TRAPPC2: variants seen among roughly 807,000 people sequenced by gnomAD.
TRAPPC2 encodes the protein trafficking protein particle complex subunit 2, also known as sedlin.
TRAPPC2 carries 4 observed loss-of-function variants against 10.0 expected under a neutral mutation model. That is an observed-to-expected ratio of 0.40 (90% confidence interval 0.20 to 0.92). TRAPPC2 has a LOEUF of 0.92. Ranked by LOEUF, TRAPPC2 falls within the 40% of genes least tolerant of loss-of-function variation. TRAPPC2 has a pLI of 0.35. For synonymous variants in TRAPPC2, 36 were observed against 37.3 expected (o/e 0.97, Z 0.12); for missense variants, 52 against 108.7 (o/e 0.48, Z 2.32).
chrX:13,722,438 G>A (rs960313065), intron 2 of TRAPPC2, among the ~76,000 whole-genome samples: 1 of 110,505 alleles, frequency 9.0e-6, no homozygotes, highest in African/African-American at 3.3e-5. Context: ...ATGAGACAGA[G>A]CTTTCTTTAT....
chrX:13,721,679 G>A lies in TRAPPC2; in HGVS notation c.-19-1697C>T, dbSNP rs761160389. ...TATAAAGGAAATCAAGGCACAGCTGGCACTTTTAACTCTAGAATTGGAAGG... is the reference window on the plus strand; with the variant it reads ...TATAAAGGAAATCAAGGCACAGCTGACACTTTTAACTCTAGAATTGGAAGG... On this transcript the variant is annotated intron_variant, in intron 2 of 5. Coordinates refer to ENST00000380579, the MANE Select transcript of TRAPPC2 (RefSeq NM_001011658.4). The A allele has an allele frequency of 2.7e-5, 3 of 109,836 alleles. No homozygotes were observed. The East Asian group carries it at 8.6e-4, about 31-fold the overall frequency. 9.1% of individuals were successfully genotyped at this position (109,836 alleles called of 1,213,427 possible). A position where few individuals can be genotyped will look rare whatever the true frequency, so the allele number is the denominator to read the frequency against.
chrX:13,732,025 T>C (rs889680659), intron 2 of TRAPPC2, among the ~76,000 whole-genome samples: 1 of 111,712 alleles, frequency 9.0e-6, no homozygotes, highest in African/African-American at 3.3e-5. Context: ...AAACCTAGAT[T>C]AAGAACAGTT....
chrX:13,730,062 TAGAC>T (rs1320074911), intron 2 of TRAPPC2, among the ~76,000 whole-genome samples: 1 of 111,224 alleles, frequency 9.0e-6, no homozygotes, highest in Non-Finnish European at 1.9e-5. Flanking sequence ...AAAGCCAAAA[TAGAC>T]AGATGGGATC....
chrX:13,722,675 G>C (rs1049891646), intron 2 of TRAPPC2, among the ~76,000 whole-genome samples: 1 of 111,853 alleles, frequency 8.9e-6, no homozygotes, highest in East Asian at 2.8e-4. Context: ...ACACACGCTA[G>C]GATTCTGCGC....
Position 13,714,240 on chromosome X carries a change from A to G in TRAPPC2, c.*167T>C, listed in dbSNP as rs1327706004. 4 of 323,899 alleles carry G rather than the reference A, an allele frequency of 1.2e-5. No homozygotes were observed. Among genetic ancestry groups the G allele is most frequent in the Non-Finnish European group, 2.2e-5 (4 of 181,248 alleles). 26.7% of individuals were successfully genotyped at this position (323,899 alleles called of 1,213,427 possible). On this transcript the variant is annotated 3_prime_UTR_variant, in exon 6 of 6. Transcript: ENST00000380579. ...ACCAATTGATCTATTGATACGTGAC[A>G]TGAGACAGAATGTACTATTTTTAAA...
intron 4 of TRAPPC2, 184 bp from the exon 5 acceptor site, chrX:13,716,273 A>C: frequency 1.7e-6 from 1 of 601,622 alleles, no homozygotes; most frequent in Non-Finnish European, 2.5e-6. Flanking sequence ...AAAGTTAGAA[A>C]ATAACTGTAA....
At chrX:13,725,820 G>A (rs2046536121) in intron 2 of TRAPPC2, among the ~76,000 whole-genome samples, 1 of 111,909 alleles carries the variant, frequency 8.9e-6, no homozygotes, top group African/African-American at 3.3e-5. Flanking sequence ...TGAGCTAAAG[G>A]AGCATGTTTG....
chrX:13,717,771 C>T (rs1433561756), intron 3 of TRAPPC2, among the ~76,000 whole-genome samples: 1 of 111,640 alleles, frequency 9.0e-6, no homozygotes, highest in Non-Finnish European at 1.9e-5. Context: ...CAAAGAATAC[C>T]TGTTATGGGT....
intron 2 of TRAPPC2, among the ~76,000 whole-genome samples, chrX:13,722,646 G>A (rs1320033191): frequency 1.8e-5 from 2 of 111,736 alleles, no homozygotes; most frequent in East Asian, 2.8e-4. Context: ...AATACTTGAG[G>A]GTATGGAGCA....
chrX:13,734,223 A>G, intron 1 of TRAPPC2, 38 bp from the exon 2 acceptor site: 1 of 440,610 alleles, frequency 2.3e-6, no homozygotes, highest in Non-Finnish European at 4.0e-6. Context: ...CTAAACCTAC[A>G]ATGCACAGGA....
At chrX:13,730,470 G>C (rs1294737250) in intron 2 of TRAPPC2, among the ~76,000 whole-genome samples, 2 of 112,025 alleles carry the variant, frequency 1.8e-5, no homozygotes, top group East Asian at 5.6e-4. Flanking sequence ...CTGTTGGTGG[G>C]AGTGTAAATT....
rs1262532559 is a variant in TRAPPC2, at chrX:13,714,155, A to AC, written c.*251_*252insG. 3.3e-5 allele frequency: 6 copies of AC among 182,013 alleles called. No individual in the cohort carries two copies. Among genetic ancestry groups the AC allele is most frequent in the Non-Finnish European group, 6.0e-5 (6 of 99,340 alleles). 15.0% of individuals were successfully genotyped at this position (182,013 alleles called of 1,213,427 possible). A position where few individuals can be genotyped will look rare whatever the true frequency, so the allele number is the denominator to read the frequency against. ...AGACTCTGTATCAGAAAAAAAAAAA[A>AC]AAAAAAAACATGATTATTGATAATG... On this transcript the variant is annotated 3_prime_UTR_variant, in exon 6 of 6. Coordinates refer to ENST00000380579, the MANE Select transcript of TRAPPC2 (RefSeq NM_001011658.4).
At chrX:13,716,813 A>G (rs1323384882) in intron 3 of TRAPPC2, 135 bp from the exon 4 acceptor site, 1 of 533,433 alleles carries the variant, frequency 1.9e-6, no homozygotes, top group East Asian at 3.9e-5. Context: ...TGTTATTGTC[A>G]TGAGACTTAT....
chrX:13,716,954 T>C (rs2046301012), intron 3 of TRAPPC2, among the ~76,000 whole-genome samples: 1 of 105,918 alleles, frequency 9.4e-6, no homozygotes, highest in Non-Finnish European at 1.9e-5. Flanking sequence ...ATCTTTTTCA[T>C]ATAAATTTTT....
chrX:13,727,267 G>C (rs1386571931), intron 2 of TRAPPC2, among the ~76,000 whole-genome samples: 1 of 111,952 alleles, frequency 8.9e-6, no homozygotes, highest in Admixed American at 9.5e-5. Context: ...GACATCTACA[G>C]AACTCTCCAC....
In TRAPPC2 at chrX:13,719,977, T is replaced by A. The variant is rs1156388985; in HGVS notation, c.-14A>T. ...GCTCCCAGACATGGTCTTCAATATA[T>A]GGCTCCTAATTAAGTGAAAAATAGT... On this transcript the variant is annotated 5_prime_UTR_variant, in exon 3 of 6. Transcript: ENST00000380579. The A allele has an allele frequency of 8.9e-7, 1 of 1,121,528 alleles. No individual in the cohort carries two copies. The highest frequency in any genetic ancestry group is 1.2e-6 in the Non-Finnish European group (1 of 841,860). The allele number at this position is 1,121,528 out of a possible 1,213,427, so 92.4% of individuals were successfully genotyped here.
intron 2 of TRAPPC2, among the ~76,000 whole-genome samples, chrX:13,733,275 C>G (rs1479532193): frequency 9.0e-6 from 1 of 111,668 alleles, no homozygotes; most frequent in Non-Finnish European, 1.9e-5. Context: ...GGATCATGTA[C>G]TAGTATTCAA....
Position 13,712,958 on chromosome X carries a change from CTG to C in TRAPPC2, c.*1447_*1448del, listed in dbSNP as rs766836189. 9.0e-6 allele frequency: 1 copy of C among 111,410 alleles called. No individual in the cohort carries two copies. Among genetic ancestry groups the C allele is most frequent in the South Asian group, 3.7e-4 (1 of 2,674 alleles). The allele number at this position is 111,410 out of a possible 1,213,427, so 9.2% of individuals were successfully genotyped here. A position where few individuals can be genotyped will look rare whatever the true frequency, so the allele number is the denominator to read the frequency against. ...GGTTGTTACATTAAGATCAACCTAT[CTG>C]GGCCGGGCACGGTGGCTCACACCTG... On this transcript the variant is annotated 3_prime_UTR_variant, in exon 6 of 6. Coordinates refer to ENST00000380579, the MANE Select transcript of TRAPPC2 (RefSeq NM_001011658.4).
intron 2 of TRAPPC2, among the ~76,000 whole-genome samples, chrX:13,725,256 A>G (rs1475798310): frequency 2.7e-5 from 3 of 112,920 alleles, no homozygotes; most frequent in South Asian, 3.6e-4. Flanking sequence ...GGCTCCCCCA[A>G]CGTGGTGCTT....
Sources: allele counts gnomAD v4.1 joint callset (sites outside exome capture counted in the v4.1 genomes callset), GRCh38; gene constraint gnomAD v4.1.1; transcripts MANE v1.5; gene names NCBI Gene and HGNC (gene_info 2026-07-23, HGNC 2026-07-21).